The following ENOX1 variants were observed in gnomAD, a reference collection of about 807,000 sequenced individuals.
ENOX1 encodes the protein ecto-NOX disulfide-thiol exchanger 1.
Under a neutral mutation model 82.5 loss-of-function variants are expected in ENOX1, and 42 were observed. That is an observed-to-expected ratio of 0.51 (90% confidence interval 0.40 to 0.66). The LOEUF is 0.66. ENOX1 is among the 30% of genes least tolerant of loss of function. The pLI is 0.00. For missense variants in ENOX1, 608 were observed against 811.6 expected, an observed-to-expected ratio of 0.75 and a Z score of 3.05; for synonymous variants, 271 against 282.2, an observed-to-expected ratio of 0.96 and a Z score of 0.40.
At chr13:43,312,814 G>A (rs556161320) in intron 11 of ENOX1, among the ~76,000 whole-genome samples, 26 of 152,222 alleles carry the variant, frequency 1.7e-4, no homozygotes, top group Admixed American at 3.9e-4. Flanking sequence ...TGCTGGGTGC[G>A]TTGCCTATAT....
At chr13:43,469,056 AG>A (rs1364299156) in intron 3 of ENOX1, among the ~76,000 whole-genome samples, 1 of 152,150 alleles carries the variant, frequency 6.6e-6, no homozygotes, top group African/African-American at 2.4e-5. Context: ...TCCTAATCTT[AG>A]GTGGAAAACT....
intron 5 of ENOX1, among the ~76,000 whole-genome samples, chr13:43,379,362 T>G (rs2051869323): frequency 6.6e-6 from 1 of 151,894 alleles, no homozygotes; most frequent in African/African-American, 2.4e-5. Context: ...AAAAAATAAA[T>G]AACACATAGA....
At chr13:43,669,210 A>G (rs2085136973) in intron 1 of ENOX1, among the ~76,000 whole-genome samples, 1 of 152,202 alleles carries the variant, frequency 6.6e-6, no homozygotes, top group African/African-American at 2.4e-5. Context: ...AAGTTAATAC[A>G]AAAGTCAGGA....
chr13:43,259,930 T>C (rs1253958244), intron 14 of ENOX1, among the ~76,000 whole-genome samples: 1 of 152,190 alleles, frequency 6.6e-6, no homozygotes, highest in Admixed American at 6.5e-5. Context: ...CCTGAGTTGT[T>C]TTTTACCTTT....
chr13:43,614,012 T>C (rs992059298), intron 2 of ENOX1, among the ~76,000 whole-genome samples: 1 of 152,148 alleles, frequency 6.6e-6, no homozygotes, highest in Non-Finnish European at 1.5e-5. Flanking sequence ...AATAAAAGTG[T>C]CAGCTGTCCT....
chr13:43,678,527 C>T (rs2085626225), intron 1 of ENOX1, among the ~76,000 whole-genome samples: 1 of 152,134 alleles, frequency 6.6e-6, no homozygotes, highest in South Asian at 2.1e-4. Context: ...AGTTACACTC[C>T]ATGTCAGCTG....
chr13:43,735,548 C>T (rs1214106474), intron 1 of ENOX1, among the ~76,000 whole-genome samples: 1 of 152,000 alleles, frequency 6.6e-6, no homozygotes, highest in Non-Finnish European at 1.5e-5. Context: ...AGTGAAACCC[C>T]GTCTCTACTA....
chr13:43,687,269 G>A (rs976277648), intron 1 of ENOX1, among the ~76,000 whole-genome samples: 3 of 152,112 alleles, frequency 2.0e-5, no homozygotes, highest in African/African-American at 7.2e-5. Context: ...TTGCTCAAGG[G>A]CTCTCTCTAA....
chr13:43,372,552 G>A (rs1300698554), intron 5 of ENOX1, among the ~76,000 whole-genome samples: 1 of 152,160 alleles, frequency 6.6e-6, no homozygotes, highest in African/African-American at 2.4e-5. Context: ...ACAGGGACAG[G>A]AGAGGACATC....
At chr13:43,572,368 T>C (rs2080223434) in intron 2 of ENOX1, among the ~76,000 whole-genome samples, 1 of 152,182 alleles carries the variant, frequency 6.6e-6, no homozygotes, top group African/African-American at 2.4e-5. Context: ...GACAGTGGAA[T>C]ATTATTTTGC....
At chr13:43,536,133 ATTATTT>A (rs1442261049) in intron 2 of ENOX1, among the ~76,000 whole-genome samples, 1 of 152,196 alleles carries the variant, frequency 6.6e-6, no homozygotes, top group East Asian at 1.9e-4. Flanking sequence ...AACCCAAATG[ATTATTT>A]TTAAGTTAAT....
chr13:43,627,798 T>TTTAA (rs1594168119), intron 2 of ENOX1, among the ~76,000 whole-genome samples: 1 of 152,010 alleles, frequency 6.6e-6, no homozygotes, highest in Non-Finnish European at 1.5e-5. Flanking sequence ...CTAGGGCAGG[T>TTTAA]TTAAGGTGAC....
intron 2 of ENOX1, among the ~76,000 whole-genome samples, chr13:43,627,258 T>C (rs1016263072): frequency 5.9e-5 from 9 of 152,090 alleles, no homozygotes; most frequent in African/African-American, 2.2e-4. Flanking sequence ...CGTTTTAGAC[T>C]ATCTGCATTT....
At position 43,400,161 on chromosome 13, in the gene ENOX1, C is replaced by T. The variant is rs187132775; in HGVS notation, c.208+11755G>A. 1.2e-3 allele frequency among the ~76,000 whole-genome samples: 177 copies of T among 152,286 alleles called. 1 individual carries two copies. The highest frequency in any genetic ancestry group is 3.8e-3 in the African/African-American group (157 of 41,568). On this transcript the variant is annotated intron_variant, in intron 5 of 16. Transcript: ENST00000690772. ...GACACAACAGTGCTGGAGAAAACCA[C>T]GCAGGGCTCTCAAAGAGTGTCCAGA... is the stretch of plus-strand genomic sequence containing the variant.
At chr13:43,645,675 T>C (rs1199874979) in intron 2 of ENOX1, among the ~76,000 whole-genome samples, 2 of 152,196 alleles carry the variant, frequency 1.3e-5, no homozygotes, top group South Asian at 2.1e-4. Context: ...AGCAACAAGT[T>C]TGGTTGAATC....
At chr13:43,361,075 A>G (rs2050471128) in intron 6 of ENOX1, among the ~76,000 whole-genome samples, 1 of 152,208 alleles carries the variant, frequency 6.6e-6, no homozygotes, top group Non-Finnish European at 1.5e-5. Flanking sequence ...CTGGCTTTAT[A>G]GTGTGGATTC....
chr13:43,733,499 G>A (rs1170659146), intron 1 of ENOX1, among the ~76,000 whole-genome samples: 1 of 152,138 alleles, frequency 6.6e-6, no homozygotes, highest in African/African-American at 2.4e-5. Context: ...CGTATGAGGC[G>A]ATTTATCCTC....
intron 2 of ENOX1, among the ~76,000 whole-genome samples, chr13:43,599,323 T>C (rs1211864537): frequency 6.6e-6 from 1 of 151,904 alleles, no homozygotes. Context: ...TGGCAGTACA[T>C]CCCACCATCG....
chr13:43,678,699 C>CT (rs1424450655), intron 1 of ENOX1, among the ~76,000 whole-genome samples: 1 of 152,194 alleles, frequency 6.6e-6, no homozygotes, highest in Non-Finnish European at 1.5e-5. Flanking sequence ...GGTAACAACA[C>CT]TGAGTAGCAC....
Sources: allele counts gnomAD v4.1 joint callset (sites outside exome capture counted in the v4.1 genomes callset), GRCh38; gene constraint gnomAD v4.1.1; transcripts MANE v1.5; gene names NCBI Gene and HGNC (gene_info 2026-07-23, HGNC 2026-07-21).